IQCK: variants seen among roughly 807,000 people sequenced by gnomAD.
IQCK encodes the protein IQ motif containing K, also known as IQ domain-containing protein K.
Under a neutral mutation model 28.1 loss-of-function variants are expected in IQCK, and 29 were observed. That is an observed-to-expected ratio of 1.03 (90% CI 0.77 to 1.41). IQCK has a LOEUF of 1.41. IQCK is among the 40% of genes most tolerant of loss of function. The probability of loss-of-function intolerance (pLI) is 0.00; values close to 1 mark genes in which losing one functional copy is unlikely to be tolerated. For missense variants in IQCK, 359 were observed against 314.7 expected, an observed-to-expected ratio of 1.14 and a Z score of -1.07; for synonymous variants, 113 against 115.1, an observed-to-expected ratio of 0.98 and a Z score of 0.12.
exon 10 of IQCK, chr16:19,858,155 A>C (rs1270325442): frequency 4.5e-6 from 1 of 222,502 alleles, no homozygotes; most frequent in Non-Finnish European, 8.7e-6. Context: ...CTCTTGGCAA[A>C]GATGTCTCTT....
rs766949926 is a variant in IQCK, at chr16:19,724,214, C to T, written c.181+5727C>T. On this transcript the variant is annotated intron_variant, in intron 1 of 7. Transcript: ENST00000564186. The stretch of plus-strand genomic sequence containing the variant: ...TCTCTCTAGACTCAGTCCACGTGGC[C>T]CCTCTTCTGGAAAGCCTTCTGTAAT... 2.6e-5 allele frequency among the ~76,000 whole-genome samples: 4 copies of T among 152,138 alleles called. No individual in the cohort carries two copies. The East Asian group carries it at 7.7e-4, about 29-fold the overall frequency.
chr16:19,752,567 A>G (rs2055000730), intron 4 of IQCK, among the ~76,000 whole-genome samples: 1 of 151,982 alleles, frequency 6.6e-6, no homozygotes, highest in South Asian at 2.1e-4. Flanking sequence ...CTTTCTTTAT[A>G]TATTACTTAT....
exon 1 of IQCK, chr16:19,718,311 C>A (rs984467903): frequency 5.0e-6 from 8 of 1,604,634 alleles, no homozygotes; most frequent in South Asian, 1.1e-5. Context: ...GCGGCCATGG[C>A]GGCACCGCGG....
chr16:19,733,860 G>A (rs749340137), intron 3 of IQCK, 33 bp downstream of exon 3: 5 of 1,612,708 alleles, frequency 3.1e-6, no homozygotes, highest in African/African-American at 1.3e-5. Context: ...TTTATAATTT[G>A]GGGCTTTTAA....
At chr16:19,829,626 C>G (rs965048769), downstream of IQCK, among the ~76,000 whole-genome samples, 8 of 152,142 alleles carry the variant, frequency 5.3e-5, no homozygotes, top group African/African-American at 1.9e-4. Context: ...CATCAGCCAC[C>G]ATGCCTATTG....
At chr16:19,723,759 G>T (rs1035565018) in intron 1 of IQCK, among the ~76,000 whole-genome samples, 1 of 152,076 alleles carries the variant, frequency 6.6e-6, no homozygotes. Context: ...TTCGAGACCA[G>T]CCTGGCCAAC....
intron 6 of IQCK, among the ~76,000 whole-genome samples, chr16:19,778,755 C>T (rs962870269): frequency 2.0e-5 from 3 of 152,160 alleles, no homozygotes; most frequent in African/African-American, 7.2e-5. Flanking sequence ...GAAAAACCCA[C>T]ACATTTGGTG....
At chr16:19,738,729 A>G (rs8055485) in intron 4 of IQCK, among the ~76,000 whole-genome samples, 24,706 of 152,160 alleles carry the variant, frequency 0.16, 2,162 homozygotes, top group South Asian at 0.26. Flanking sequence ...TATCTCAGTG[A>G]TACAGTGGTA....
intron 1 of IQCK, among the ~76,000 whole-genome samples, chr16:19,729,383 G>A (rs1218978125): frequency 1.3e-5 from 2 of 151,808 alleles, no homozygotes; most frequent in Admixed American, 6.6e-5. Context: ...TGGGATTATA[G>A]GCGTGAGCCA....
intron 9 of IQCK, among the ~76,000 whole-genome samples, chr16:19,846,627 G>A (rs1406034407): frequency 2.0e-5 from 3 of 152,112 alleles, no homozygotes; most frequent in South Asian, 2.1e-4. Flanking sequence ...ACGTTCTCCC[G>A]GAATGCCTTG....
At chr16:19,758,614 C>T (rs1023489151) in intron 4 of IQCK, among the ~76,000 whole-genome samples, 3 of 152,192 alleles carry the variant, frequency 2.0e-5, no homozygotes, top group African/African-American at 7.2e-5. Context: ...AGGCTAGTTA[C>T]ATATTTGCAT....
chr16:19,760,079 A>T (rs1431246801), intron 4 of IQCK, among the ~76,000 whole-genome samples: 1 of 152,220 alleles, frequency 6.6e-6, no homozygotes, highest in South Asian at 2.1e-4. Context: ...GAGAGAGATC[A>T]TGCCACTATA....
intron 9 of IQCK, among the ~76,000 whole-genome samples, chr16:19,855,998 GGCAGACACAGGAAA>G (rs2056554814): frequency 6.6e-6 from 1 of 151,988 alleles, no homozygotes; most frequent in African/African-American, 2.4e-5. Flanking sequence ...TTTCCTGTTT[GGCAGACACAGGAAA>G]TCACCGAGAT....
At chr16:19,762,395 A>G (rs1353883115) in intron 4 of IQCK, among the ~76,000 whole-genome samples, 1 of 152,212 alleles carries the variant, frequency 6.6e-6, no homozygotes, top group Non-Finnish European at 1.5e-5. Context: ...TTACTCAGAG[A>G]ATCACAGTCT....
At chr16:19,786,366 A>T (rs2055561772) in intron 6 of IQCK, among the ~76,000 whole-genome samples, 1 of 151,014 alleles carries the variant, frequency 6.6e-6, no homozygotes, top group Non-Finnish European at 1.5e-5. Context: ...CCACATAGCG[A>T]GACCCTGTCT....
chr16:19,745,273 C>A (rs1258085628), intron 4 of IQCK, among the ~76,000 whole-genome samples: 4 of 152,144 alleles, frequency 2.6e-5, no homozygotes, highest in Non-Finnish European at 5.9e-5. Flanking sequence ...ACCATTCATT[C>A]TTTCTTTAAT....
intron 7 of IQCK, among the ~76,000 whole-genome samples, chr16:19,806,075 T>C (rs992453923): frequency 2.0e-5 from 3 of 152,094 alleles, no homozygotes; most frequent in African/African-American, 7.2e-5. Flanking sequence ...ATGGTGAATT[T>C]GGTCAAGGAA....
chr16:19,771,212 C>T (rs2055315683), intron 6 of IQCK, among the ~76,000 whole-genome samples: 2 of 152,162 alleles, frequency 1.3e-5, no homozygotes. Flanking sequence ...CCACCTCGGC[C>T]TCCTGAGTAG....
chr16:19,758,573 C>G (rs879329113), intron 4 of IQCK, among the ~76,000 whole-genome samples: 14 of 152,110 alleles, frequency 9.2e-5, no homozygotes, highest in Non-Finnish European at 1.5e-4. Flanking sequence ...CCTACAATTG[C>G]CAGATTGTTT....
Sources: allele counts gnomAD v4.1 joint callset (sites outside exome capture counted in the v4.1 genomes callset), GRCh38; gene constraint gnomAD v4.1.1; transcripts MANE v1.5; gene names NCBI Gene and HGNC (gene_info 2026-07-23, HGNC 2026-07-21).